Variants in RUNX1 observed in about 807,000 individuals in gnomAD.
The protein encoded by RUNX1 is runt-related transcription factor 1.
RUNX1 carries 19 observed loss-of-function variants against 42.8 expected under a neutral mutation model. The observed-to-expected ratio is 0.44, with a 90% CI of 0.31 to 0.65. RUNX1 has a LOEUF of 0.65. Among genes scored for constraint, RUNX1 ranks in the 30% least tolerant of loss-of-function variants. The pLI is 0.07. For synonymous variants in RUNX1, 271 were observed against 289.4 expected (o/e 0.94, Z 0.64); for missense variants, 528 against 672.0 (o/e 0.79, Z 2.37).
At chr21:34,942,292 T>C (rs1302756012) in intron 2 of RUNX1, among the ~76,000 whole-genome samples, 1 of 151,848 alleles carries the variant, frequency 6.6e-6, no homozygotes, top group Non-Finnish European at 1.5e-5. Context: ...GACTGCATTT[T>C]TGGACTTTCT....
Position 34,895,595 on chromosome 21 carries a change from G to A in RUNX1, c.59-2632C>T, listed in dbSNP as rs542868486. On this transcript the variant is annotated intron_variant, in intron 2 of 8. Coordinates refer to ENST00000675419, the MANE Select transcript of RUNX1 (RefSeq NM_001754.5). ...TAGAGGAGGGGTTTAGGGAGGTGAC[G>A]GTGGGGTGGGGAAATGGTGCTCTGG... 4.3e-4 allele frequency among the ~76,000 whole-genome samples: 66 copies of A among 152,214 alleles called. 1 individual carries two copies. Among genetic ancestry groups the A allele is most frequent in the Middle Eastern group, 3.4e-3 (1 of 294 alleles).
chr21:34,978,486 T>C (rs2058820538), intron 2 of RUNX1, among the ~76,000 whole-genome samples: 2 of 152,250 alleles, frequency 1.3e-5, no homozygotes. Context: ...ATTTGTAGTT[T>C]CCCAGAAGGA....
chr21:34,919,379 G>A (rs114812883), intron 2 of RUNX1, among the ~76,000 whole-genome samples: 1,525 of 152,272 alleles, frequency 0.01, 33 homozygotes, highest in African/African-American at 0.034. Context: ...CACATTTTAC[G>A]TTTGAGCCCT....
chr21:34,903,294 T>C (rs1296654037), intron 2 of RUNX1, among the ~76,000 whole-genome samples: 1 of 152,174 alleles, frequency 6.6e-6, no homozygotes, highest in Non-Finnish European at 1.5e-5. Context: ...ACTATGTATA[T>C]TACAAAATAA....
At chr21:34,887,693 C>T (rs977626069) in intron 3 of RUNX1, 1 of 1,063,652 alleles carries the variant, frequency 9.4e-7, no homozygotes, top group Non-Finnish European at 1.1e-6. Flanking sequence ...TGTATGTGCA[C>T]GTATATATAA....
intron 2 of RUNX1, among the ~76,000 whole-genome samples, chr21:34,915,018 G>T (rs972748374): frequency 6.6e-6 from 1 of 152,270 alleles, no homozygotes; most frequent in Non-Finnish European, 1.5e-5. Flanking sequence ...TTCGTGCTCA[G>T]TTTCCTGAAT....
intron 8 of RUNX1, among the ~76,000 whole-genome samples, chr21:34,796,781 C>A (rs1226526056): frequency 6.6e-6 from 1 of 151,866 alleles, no homozygotes; most frequent in Non-Finnish European, 1.5e-5. Context: ...CCCAGGTTGG[C>A]AGCTAAACAT....
intron 2 of RUNX1, among the ~76,000 whole-genome samples, chr21:34,923,052 AC>A (rs2058365889): frequency 6.6e-6 from 1 of 152,212 alleles, no homozygotes; most frequent in South Asian, 2.1e-4. Context: ...CCAAAAAACT[AC>A]AGATGGTCAT....
At position 34,896,408 on chromosome 21, in the gene RUNX1, C is replaced by T. The variant is rs532553798; in HGVS notation, c.59-3445G>A. 8.5e-5 allele frequency among the ~76,000 whole-genome samples: 13 copies of T among 152,244 alleles called. 1 individual carries two copies. The Middle Eastern group carries it at 0.014, about 159-fold the overall frequency. On this transcript the variant is annotated intron_variant, in intron 2 of 8. Coordinates refer to ENST00000675419, the MANE Select transcript of RUNX1 (RefSeq NM_001754.5). ...AAGAGTAAAGGAAAATGCAGCCGGG[C>T]ATGGTGGCTAACGCCTGTAATCCCA... is the stretch of plus-strand genomic sequence containing the variant.
chr21:34,881,122 C>T (rs1157650820), intron 4 of RUNX1, among the ~76,000 whole-genome samples: 1 of 152,152 alleles, frequency 6.6e-6, no homozygotes, highest in East Asian at 1.9e-4. Flanking sequence ...AGTAGCTATG[C>T]CGTCTCCTGA....
chr21:34,804,520 C>T (rs545885584), intron 7 of RUNX1, among the ~76,000 whole-genome samples: 31 of 152,168 alleles, frequency 2.0e-4, no homozygotes, highest in Admixed American at 1.5e-3. Flanking sequence ...GTTCCTATTG[C>T]CTGATAAATC....
intron 2 of RUNX1, among the ~76,000 whole-genome samples, chr21:34,955,923 T>C (rs772568821): frequency 1.3e-5 from 2 of 152,222 alleles, no homozygotes; most frequent in Non-Finnish European, 2.9e-5. Context: ...CCAGGTTAAC[T>C]GTCAAGAGGA....
At chr21:34,933,592 G>A (rs888103987) in intron 2 of RUNX1, among the ~76,000 whole-genome samples, 2 of 152,160 alleles carry the variant, frequency 1.3e-5, no homozygotes, top group African/African-American at 2.4e-5. Flanking sequence ...TGTGTTCGAC[G>A]TATAGTAGCT....
chr21:35,002,383 TTTATTTA>T (rs1316145658), intron 2 of RUNX1, among the ~76,000 whole-genome samples: 1 of 13,224 alleles, frequency 7.6e-5, no homozygotes, highest in Admixed American at 4.8e-4. Flanking sequence ...CACAGCACAT[TTTATTTA>T]TTTATTTATT....
At chr21:35,044,463 G>A (rs929907175) in intron 2 of RUNX1, among the ~76,000 whole-genome samples, 21 of 152,054 alleles carry the variant, frequency 1.4e-4, no homozygotes, top group Admixed American at 9.8e-4. Context: ...AGATTAATTC[G>A]GTCCACACAG....
At chr21:34,881,188 G>C (rs1249140723) in intron 4 of RUNX1, among the ~76,000 whole-genome samples, 6 of 152,124 alleles carry the variant, frequency 3.9e-5, no homozygotes, top group African/African-American at 1.4e-4. Flanking sequence ...TCCTGTGTTT[G>C]TAAGTTTATA....
At chr21:34,963,078 T>C (rs149944594) in intron 2 of RUNX1, among the ~76,000 whole-genome samples, 308 of 152,318 alleles carry the variant, frequency 2.0e-3, no homozygotes, top group African/African-American at 7.0e-3. Context: ...GAGCACAGGT[T>C]AGACTGCAGT....
Position 34,792,853 on chromosome 21 carries a change from C to T in RUNX1, c.968-243G>A, listed in dbSNP as rs2056468695. Among the ~76,000 whole-genome samples the T allele has an allele frequency of 6.6e-6, 1 of 151,158 alleles. No homozygotes were observed. Among genetic ancestry groups the T allele is most frequent in the South Asian group, 2.1e-4 (1 of 4,782 alleles). On this transcript the variant is annotated intron_variant, in intron 8 of 8. Coordinates refer to ENST00000675419, the MANE Select transcript of RUNX1 (RefSeq NM_001754.5). This position sits in a 1 kb window ranked among gnomAD's most constrained non-coding sequence, Gnocchi z 6.9. ...CCCAGGATGCCACCTCCTGAGATGA[C>T]GAGGATCACCCAGCATGTCACCTCC...
intron 2 of RUNX1, among the ~76,000 whole-genome samples, chr21:34,932,763 TAC>T (rs1569111849): frequency 1.3e-5 from 2 of 152,204 alleles, no homozygotes; most frequent in African/African-American, 4.8e-5. Context: ...TACTAAGTGA[TAC>T]ATTCTAGAAA....
Sources: allele counts gnomAD v4.1 joint callset (sites outside exome capture counted in the v4.1 genomes callset), GRCh38; gene constraint gnomAD v4.1.1; non-coding constraint Gnocchi (gnomAD v3.1); transcripts MANE v1.5; gene names NCBI Gene and HGNC (gene_info 2026-07-23, HGNC 2026-07-21).